The following MEPE variants were observed in gnomAD, a reference collection of about 807,000 sequenced individuals.
MEPE encodes matrix extracellular phosphoglycoprotein.
In MEPE, 7 loss-of-function variants were observed where a neutral mutation model predicts 7.3. The observed-to-expected ratio is 0.95, with a 90% confidence interval of 0.54 to 1.79. MEPE has a LOEUF of 1.79. Among genes scored for constraint, MEPE ranks in the 40% most tolerant of loss-of-function variants. The pLI is 0.00. For synonymous variants in MEPE, 214 were observed against 213.1 expected (o/e 1.00, Z -0.04); for missense variants, 623 against 628.2 (o/e 0.99, Z 0.09).
chr4:87,833,712 G>T (rs947350158), intron 1 of MEPE, among the ~76,000 whole-genome samples: 8 of 151,900 alleles, frequency 5.3e-5, no homozygotes, highest in African/African-American at 1.7e-4. Context: ...CAATCTAATG[G>T]CTACTTAAGT....
chr4:87,839,684 G>T, intron 3 of MEPE: 1 of 1,546,968 alleles, frequency 6.5e-7, no homozygotes, highest in Non-Finnish European at 8.7e-7. Context: ...TGTTTTTGTA[G>T]ATAACATACA....
intron 2 of MEPE, among the ~76,000 whole-genome samples, chr4:87,835,454 G>A (rs1255083749): frequency 6.6e-6 from 1 of 152,178 alleles, no homozygotes; most frequent in Non-Finnish European, 1.5e-5. Flanking sequence ...TAATGTCTGA[G>A]CAGCATCCTA....
intron 3 of MEPE, among the ~76,000 whole-genome samples, chr4:87,844,313 A>G (rs1275225166): frequency 6.6e-6 from 1 of 152,090 alleles, no homozygotes; most frequent in African/African-American, 2.4e-5. Flanking sequence ...GAGTGATAAA[A>G]CCCAGGATAT....
chr4:87,845,613 G>C lies in MEPE; in HGVS notation c.745G>C (p.Asp249His), dbSNP rs1265685354. The change falls in exon 4 of 4, where the codon GAC (aspartate) becomes CAC (histidine). Residue 249 changes from aspartate (D) to histidine (H), a missense_variant. Coordinates refer to ENST00000361056, the MANE Select transcript of MEPE (RefSeq NM_020203.6). ...TTATACAGATCTTCAAGAGAGAGGG[G>C]ACAATGATATATCTCCTTTCAGTGG... is the stretch of plus-strand genomic sequence containing the variant. ...SGYTDLQERGDNDISPFSGDG... is the reference protein window; with the variant it reads ...SGYTDLQERGHNDISPFSGDG... The C allele has an allele frequency of 1.2e-6, 2 of 1,613,754 alleles. No individual in the cohort carries two copies. The highest frequency in any genetic ancestry group is 1.1e-5 in the South Asian group (1 of 90,960).
chr4:87,836,346 T>C (rs1458318091), intron 2 of MEPE, among the ~76,000 whole-genome samples: 2 of 152,188 alleles, frequency 1.3e-5, no homozygotes, highest in African/African-American at 4.8e-5. Context: ...AAAGACTTTG[T>C]TATAAGTCAC....
At chr4:87,841,892 T>C (rs1279232439) in intron 3 of MEPE, among the ~76,000 whole-genome samples, 1 of 152,178 alleles carries the variant, frequency 6.6e-6, no homozygotes, top group African/African-American at 2.4e-5. Context: ...CCGTTGTGTA[T>C]CCAGTAATTA....
In MEPE at chr4:87,845,265, A is replaced by G. The variant is rs1328811464; in HGVS notation, c.397A>G (p.Ile133Val). 2 of 1,614,070 alleles carry G rather than the reference A, an allele frequency of 1.2e-6. No homozygotes were observed. Among genetic ancestry groups the G allele is most frequent in the South Asian group, 1.1e-5 (1 of 91,082 alleles). Residue 133 changes from isoleucine (I) to valine (V), a missense_variant, in exon 4 of 4, where the codon ATC becomes GTC. Physicochemically the swap from Ile to Val is conservative, Grantham distance 29 (BLOSUM62 3). Coordinates refer to ENST00000361056, the MANE Select transcript of MEPE (RefSeq NM_020203.6). ...NKGFEDGDDA[I>V]SKLHDQEEYG... ...AGGGTTTGAGGATGGAGATGATGCT[A>G]TCAGCAAACTACATGACCAAGAAGA...
chr4:87,845,821 G>T lies in MEPE; in HGVS notation c.953G>T (p.Gly318Val). 6.2e-7 allele frequency: 1 copy of T among 1,613,992 alleles called. No homozygotes were observed. The highest frequency in any genetic ancestry group is 1.3e-5 in the African/African-American group (1 of 75,036). Reference sequence around the variant, plus strand: ...GAAGAAAATGGTGGAAATACCATTGGAACTAGGGATGAAACTGCGAAAGAG... The same window carrying T: ...GAAGAAAATGGTGGAAATACCATTGTAACTAGGGATGAAACTGCGAAAGAG... ...EREENGGNTI[G>V]TRDETAKEAD... The change falls in exon 4 of 4, where the codon GGA (glycine) becomes GTA (valine). Residue 318 changes from glycine (G) to valine (V), a missense_variant. Coordinates refer to ENST00000361056, the MANE Select transcript of MEPE (RefSeq NM_020203.6).
upstream of MEPE, among the ~76,000 whole-genome samples, chr4:87,827,930 A>G (rs777840808): frequency 6.6e-6 from 1 of 152,216 alleles, no homozygotes; most frequent in Non-Finnish European, 1.5e-5. Flanking sequence ...ATAACTAAAA[A>G]TAAAATTAAT....
At chr4:87,831,521 C>T (rs935759354), upstream of MEPE, among the ~76,000 whole-genome samples, 21 of 152,120 alleles carry the variant, frequency 1.4e-4, no homozygotes, top group African/African-American at 4.8e-4. Context: ...CTCATCATCC[C>T]TTCTGCCGCA....
chr4:87,834,315 T>G (rs1306863446), intron 1 of MEPE, among the ~76,000 whole-genome samples: 1 of 152,032 alleles, frequency 6.6e-6, no homozygotes, highest in Non-Finnish European at 1.5e-5. Context: ...AAACTTAGAG[T>G]GTGTTATGAG....
At chr4:87,837,213 T>C (rs1224587227) in intron 2 of MEPE, among the ~76,000 whole-genome samples, 1 of 151,558 alleles carries the variant, frequency 6.6e-6, no homozygotes, top group Non-Finnish European at 1.5e-5. Context: ...GGCTTAGGGC[T>C]GGAAGGAAAA....
chr4:87,839,635 T>G (rs1345118605), intron 3 of MEPE: 14 of 1,364,026 alleles, frequency 1.0e-5, no homozygotes, highest in Non-Finnish European at 1.3e-5. Context: ...GCCCAAAAAC[T>G]TCTTTGTAAG....
intron 3 of MEPE, among the ~76,000 whole-genome samples, chr4:87,843,382 C>T (rs992704458): frequency 1.3e-5 from 2 of 152,194 alleles, no homozygotes; most frequent in South Asian, 4.1e-4. Context: ...CTCTGCCTCA[C>T]AGACCTTCCC....
At chr4:87,829,081 AAC>A (rs1361793456), upstream of MEPE, among the ~76,000 whole-genome samples, 1 of 152,146 alleles carries the variant, frequency 6.6e-6, no homozygotes, top group East Asian at 1.9e-4. Flanking sequence ...GTTCAATTTC[AAC>A]ACAGAGGGCA....
chr4:87,839,283 G>A (rs1475466347), intron 3 of MEPE, among the ~76,000 whole-genome samples: 1 of 152,192 alleles, frequency 6.6e-6, no homozygotes, highest in Non-Finnish European at 1.5e-5. Flanking sequence ...TTAAGAGCCT[G>A]AATGTTCATG....
chr4:87,825,084 A>G (rs777394775), intron 1 of MEPE, among the ~76,000 whole-genome samples: 3 of 152,178 alleles, frequency 2.0e-5, no homozygotes, highest in Non-Finnish European at 2.9e-5. Flanking sequence ...GGCTCAAGCA[A>G]TCCACCCTCT....
Position 87,846,704 on chromosome 4 carries a change from T to A in MEPE, c.*258T>A, listed in dbSNP as rs932318762. ...GAAATAGGTAACATTTGAGTAGGTG[T>A]CATTTAAAAATAGTTGGTGAATGTC... On this transcript the variant is annotated 3_prime_UTR_variant, in exon 4 of 4. Transcript: ENST00000361056. The A allele has an allele frequency of 5.1e-5, 20 of 394,280 alleles. No homozygotes were observed. In the South Asian group the frequency reaches 1.3e-3, roughly 26 times the overall value. 24.4% of individuals were successfully genotyped at this position (394,280 alleles called of 1,614,324 possible).
intron 1 of MEPE, among the ~76,000 whole-genome samples, chr4:87,822,426 T>A (rs1328783169): frequency 6.6e-6 from 1 of 152,152 alleles, no homozygotes; most frequent in East Asian, 1.9e-4. Context: ...GCAGTGTGGT[T>A]GGTAACTGGG....
Sources: gnomAD v4.1 joint callset for allele counts (sites outside exome capture counted in the v4.1 genomes callset) on GRCh38, gnomAD v4.1.1 for gene constraint, MANE v1.5 for transcripts, NCBI Gene and HGNC (gene_info 2026-07-23, HGNC 2026-07-21) for gene names.